Variants in BMP2K observed in about 807,000 individuals in gnomAD.
The protein encoded by BMP2K is BMP-2-inducible protein kinase.
Under a neutral mutation model 116.0 loss-of-function variants are expected in BMP2K, and 74 were observed. The observed-to-expected ratio is 0.64, with a 90% CI of 0.53 to 0.77. The LOEUF is 0.77. BMP2K is among the 30% of genes least tolerant of loss of function. BMP2K has a pLI of 0.00. For missense variants in BMP2K, 1,365 were observed against 1,403.6 expected (o/e 0.97, Z 0.44); for synonymous variants, 486 against 502.5 (o/e 0.97, Z 0.44).
At chr4:78,797,337 A>C (rs1728346692) in intron 1 of BMP2K, among the ~76,000 whole-genome samples, 1 of 152,232 alleles carries the variant, frequency 6.6e-6, no homozygotes, top group Non-Finnish European at 1.5e-5. Flanking sequence ...TGATCAAATC[A>C]GTCCATTATG....
chr4:78,884,233 T>G (rs780848278), intron 14 of BMP2K, among the ~76,000 whole-genome samples: 1 of 152,048 alleles, frequency 6.6e-6, no homozygotes, highest in South Asian at 2.1e-4. Flanking sequence ...AGGCTGAGAT[T>G]GGAGGATCGC....
chr4:78,809,359 T>G (rs1339177096), intron 1 of BMP2K, among the ~76,000 whole-genome samples: 1 of 152,036 alleles, frequency 6.6e-6, no homozygotes, highest in African/African-American at 2.4e-5. Flanking sequence ...AAAGTGTTTT[T>G]TTTTTCGTGT....
At chr4:78,876,515 A>G (rs1454194748) in intron 13 of BMP2K, among the ~76,000 whole-genome samples, 2 of 152,192 alleles carry the variant, frequency 1.3e-5, no homozygotes, top group East Asian at 1.9e-4. Flanking sequence ...TTCTTGGCTC[A>G]GATATGCTGA....
intron 8 of BMP2K, among the ~76,000 whole-genome samples, chr4:78,860,556 T>A (rs942958815): frequency 1.3e-5 from 2 of 151,870 alleles, no homozygotes; most frequent in African/African-American, 4.8e-5. Context: ...GCTTTCAATT[T>A]TATTCACTGA....
chr4:78,874,792 C>T (rs934794295), intron 13 of BMP2K, among the ~76,000 whole-genome samples: 2 of 152,162 alleles, frequency 1.3e-5, no homozygotes, highest in African/African-American at 2.4e-5. Context: ...GTGCTGATGC[C>T]TGTAATGTAT....
At chr4:78,880,151 CA>C (rs1732828014) in intron 14 of BMP2K, among the ~76,000 whole-genome samples, 1 of 152,236 alleles carries the variant, frequency 6.6e-6, no homozygotes, top group African/African-American at 2.4e-5. Context: ...CGGCTCACCG[CA>C]ACCTCCGCCT....
chr4:78,872,568 T>C, intron 12 of BMP2K, 46 bp from the exon 13 acceptor site: 1 of 1,565,688 alleles, frequency 6.4e-7, no homozygotes, highest in Non-Finnish European at 8.7e-7. Flanking sequence ...CTGACAGTGC[T>C]TTAGGACTGG....
At chr4:78,822,914 C>A (rs1434239119) in intron 1 of BMP2K, among the ~76,000 whole-genome samples, 1 of 152,116 alleles carries the variant, frequency 6.6e-6, no homozygotes, top group African/African-American at 2.4e-5. Flanking sequence ...TATTACACCC[C>A]TCTCTTGGAC....
chr4:78,804,173 TG>T (rs1728705237), intron 1 of BMP2K, among the ~76,000 whole-genome samples: 1 of 152,204 alleles, frequency 6.6e-6, no homozygotes, highest in African/African-American at 2.4e-5. Context: ...TCTGTCTCTA[TG>T]GATTTGTCTA....
intron 1 of BMP2K, among the ~76,000 whole-genome samples, chr4:78,823,165 A>G (rs2109993724): frequency 6.6e-6 from 1 of 152,266 alleles, no homozygotes; most frequent in South Asian, 2.1e-4. Context: ...AGATCTGTCT[A>G]AATTAGGGTT....
At chr4:78,836,188 C>T (rs1312901362) in intron 3 of BMP2K, among the ~76,000 whole-genome samples, 2 of 151,984 alleles carry the variant, frequency 1.3e-5, no homozygotes, top group African/African-American at 2.4e-5. Context: ...GAGGCTGAGG[C>T]GGGCGGATCA....
chr4:78,784,095 T>C (rs1442850716), intron 1 of BMP2K, among the ~76,000 whole-genome samples: 6 of 152,218 alleles, frequency 3.9e-5, no homozygotes, highest in Non-Finnish European at 5.9e-5. Context: ...GATGTCCTTA[T>C]GTTGATCCTG....
chr4:78,863,023 TTAAAAAAAGCGTAAG>T (rs1168554419), intron 9 of BMP2K, among the ~76,000 whole-genome samples: 5 of 152,072 alleles, frequency 3.3e-5, no homozygotes, highest in Non-Finnish European at 7.4e-5. Context: ...GTGCAGATTT[TTAAAAAAAGCGTAAG>T]TCAGCTGAAC....
At chr4:78,886,979 T>G (rs1733128369) in intron 14 of BMP2K, 195 bp from the exon 15 acceptor site, 1 of 480,908 alleles carries the variant, frequency 2.1e-6, no homozygotes, top group Non-Finnish European at 3.7e-6. Context: ...TTGTTAAATT[T>G]GCTTTTGCAG....
intron 1 of BMP2K, chr4:78,820,806 AG>A (rs1203622100): frequency 6.5e-6 from 1 of 153,054 alleles, no homozygotes; most frequent in East Asian, 1.9e-4. Context: ...TCCTGACCTC[AG>A]GTGATCCATC....
At chr4:78,815,800 A>G (rs1198430106) in intron 1 of BMP2K, among the ~76,000 whole-genome samples, 1 of 152,206 alleles carries the variant, frequency 6.6e-6, no homozygotes, top group Non-Finnish European at 1.5e-5. Flanking sequence ...AGTTTTATAT[A>G]GAATAATATA....
intron 1 of BMP2K, among the ~76,000 whole-genome samples, chr4:78,786,045 T>C (rs1727709742): frequency 6.6e-6 from 1 of 152,184 alleles, no homozygotes; most frequent in Non-Finnish European, 1.5e-5. Context: ...TCCCTACTTA[T>C]ATTACACTGA....
intron 1 of BMP2K, among the ~76,000 whole-genome samples, chr4:78,819,436 T>C (rs1305932742): frequency 6.6e-6 from 1 of 152,226 alleles, no homozygotes; most frequent in Non-Finnish European, 1.5e-5. Context: ...TGAATTGTAT[T>C]AATGCTTTGC....
At chr4:78,867,270 T>C (rs763677378) in intron 10 of BMP2K, among the ~76,000 whole-genome samples, 1 of 152,218 alleles carries the variant, frequency 6.6e-6, no homozygotes, top group Non-Finnish European at 1.5e-5. Flanking sequence ...AGCTAAAGCC[T>C]CAGTAGCTAA....
Sources: allele counts gnomAD v4.1 joint callset (sites outside exome capture counted in the v4.1 genomes callset), GRCh38; gene constraint gnomAD v4.1.1; transcripts MANE v1.5; gene names NCBI Gene and HGNC (gene_info 2026-07-23, HGNC 2026-07-21).